The following ZMYND12 variants were observed in gnomAD, a reference collection of about 807,000 sequenced individuals.
The protein encoded by ZMYND12 is zinc finger MYND-type containing 12.
ZMYND12 carries 32 observed loss-of-function variants against 41.7 expected under a neutral mutation model. The observed-to-expected ratio is 0.77, with a 90% CI of 0.58 to 1.03. The LOEUF is 1.03. Ranked by LOEUF, ZMYND12 falls within the 50% of genes least tolerant of loss-of-function variation. ZMYND12 has a pLI of 0.00. For missense variants in ZMYND12, 424 were observed against 438.5 expected (o/e 0.97, Z 0.30); for synonymous variants, 148 against 164.8 (o/e 0.90, Z 0.78).
intron 1 of ZMYND12, among the ~76,000 whole-genome samples, chr1:42,455,509 G>A (rs1643153089): frequency 6.6e-6 from 1 of 152,176 alleles, no homozygotes; most frequent in South Asian, 2.1e-4. Context: ...CCTGACCTCA[G>A]GCGATCCGCC....
intron 3 of ZMYND12, among the ~76,000 whole-genome samples, chr1:42,447,440 A>T (rs559629232): frequency 2.0e-5 from 3 of 152,224 alleles, no homozygotes; most frequent in Non-Finnish European, 2.9e-5. Context: ...TTGCCAACAC[A>T]TGGCAACAAA....
chr1:42,431,455 A>G (rs1642848585), intron 7 of ZMYND12, among the ~76,000 whole-genome samples: 1 of 152,226 alleles, frequency 6.6e-6, no homozygotes. Context: ...AAGGAAAAAA[A>G]TAAAGCATGA....
intron 2 of ZMYND12, 48 bp downstream of exon 2, chr1:42,449,870 G>A (rs746406099): frequency 1.1e-5 from 18 of 1,598,306 alleles, no homozygotes; most frequent in Non-Finnish European, 1.3e-5. Context: ...GTCTTGGGCA[G>A]CTTCACCGCA....
At chr1:42,431,623 C>T (rs1642850561) in intron 7 of ZMYND12, among the ~76,000 whole-genome samples, 3 of 152,144 alleles carry the variant, frequency 2.0e-5, no homozygotes, top group Admixed American at 2.0e-4. Context: ...TGCCTTTTGT[C>T]TAAGGTCTCT....
chr1:42,435,189 C>T, intron 6 of ZMYND12, 85 bp downstream of exon 6: 1 of 1,032,250 alleles, frequency 9.7e-7, no homozygotes. Context: ...ATGACAGGGA[C>T]AGCTGCTTTC....
chr1:42,440,244 A>T (rs1002481966), intron 3 of ZMYND12, among the ~76,000 whole-genome samples: 2 of 151,854 alleles, frequency 1.3e-5, no homozygotes, highest in African/African-American at 4.8e-5. Context: ...GTGGATGAAC[A>T]AAAGGAGGCA....
In ZMYND12 at chr1:42,455,955, G is replaced by T; in HGVS notation, c.43C>A (p.Leu15Ile). The change falls in exon 1 of 8, where the codon CTC becomes ATC. Residue 15 changes from leucine (L) to isoleucine (I), a missense_variant. By Grantham distance (5) the Leu-to-Ile change is conservative. Transcript: ENST00000372565. ...GGGGCTTCGCACACCTCACAGCAGA[G>T]TCTGCGCCCCTTGGGGACTGCCAGT... is the stretch of plus-strand genomic sequence containing the variant. Reference protein sequence around the residue: ...YPLAVPKGRRLCCEVCEAPAE... With the variant: ...YPLAVPKGRRICCEVCEAPAE... The T allele has an allele frequency of 5.6e-6, 9 of 1,613,754 alleles. No individual in the cohort carries two copies. The highest frequency in any genetic ancestry group is 6.8e-6 in the Non-Finnish European group (8 of 1,180,018).
At position 42,436,442 on chromosome 1, in the gene ZMYND12, C is replaced by T; in HGVS notation, c.696G>A (p.Leu232=). The T allele has an allele frequency of 6.2e-7, 1 of 1,613,528 alleles. No individual in the cohort carries two copies. The highest frequency in any genetic ancestry group is 2.2e-5 in the East Asian group (1 of 44,852). The part of the protein sequence containing the change: ...NIFYDLKKLD[L]ADTLYTKVSE... Reference sequence around the variant, plus strand: ...TCACCTTGGTGTACAATGTGTCTGCCAGGTCCAACTTTTTAAGGTCATAGA... The same window carrying T: ...TCACCTTGGTGTACAATGTGTCTGCTAGGTCCAACTTTTTAAGGTCATAGA... Residue 232 remains leucine (L), a synonymous_variant, in exon 5 of 8, where the codon CTG becomes CTA. Coordinates refer to ENST00000372565, the MANE Select transcript of ZMYND12 (RefSeq NM_032257.5).
intron 1 of ZMYND12, among the ~76,000 whole-genome samples, chr1:42,454,674 C>T (rs533542658): frequency 6.6e-6 from 1 of 151,700 alleles, no homozygotes; most frequent in Non-Finnish European, 1.5e-5. Flanking sequence ...TTGGTTTAAA[C>T]TTCTACTACC....
intron 3 of ZMYND12, among the ~76,000 whole-genome samples, chr1:42,441,684 G>A (rs902422900): frequency 6.6e-6 from 1 of 151,900 alleles, no homozygotes; most frequent in Admixed American, 6.6e-5. Flanking sequence ...GCAGTGGCGG[G>A]ATCTCGGCTC....
At chr1:42,433,514 T>C (rs946963740) in intron 6 of ZMYND12, among the ~76,000 whole-genome samples, 3 of 152,192 alleles carry the variant, frequency 2.0e-5, no homozygotes, top group East Asian at 3.8e-4. Context: ...TTGCTTAGCA[T>C]GCCATTATCA....
intron 3 of ZMYND12, among the ~76,000 whole-genome samples, chr1:42,445,631 T>A (rs1443666494): frequency 1.3e-5 from 2 of 151,966 alleles, no homozygotes; most frequent in Non-Finnish European, 2.9e-5. Flanking sequence ...TCTGAGGAAC[T>A]GAGAGAAGGC....
chr1:42,455,177 G>C (rs189657919), intron 1 of ZMYND12, among the ~76,000 whole-genome samples: 1 of 152,168 alleles, frequency 6.6e-6, no homozygotes, highest in Non-Finnish European at 1.5e-5. Flanking sequence ...CCCGGATGCC[G>C]GGAATGCCCT....
intron 1 of ZMYND12, among the ~76,000 whole-genome samples, chr1:42,452,468 C>T (rs544165927): frequency 1.3e-5 from 2 of 152,134 alleles, no homozygotes; most frequent in East Asian, 3.9e-4. Flanking sequence ...TTTGGGAGGC[C>T]GAGGAGGGCG....
chr1:42,439,584 G>C (rs72950532), intron 4 of ZMYND12, among the ~76,000 whole-genome samples: 1 of 152,110 alleles, frequency 6.6e-6, no homozygotes, highest in Non-Finnish European at 1.5e-5. Flanking sequence ...TTCTCTTAAC[G>C]AGTATGCTGT....
chr1:42,434,803 TATATATTACA>T (rs1387701634), intron 6 of ZMYND12, among the ~76,000 whole-genome samples: 1 of 151,956 alleles, frequency 6.6e-6, no homozygotes, highest in African/African-American at 2.4e-5. Flanking sequence ...ATTATTTCAT[TATATATTACA>T]ATATATTAAT....
intron 3 of ZMYND12, among the ~76,000 whole-genome samples, chr1:42,443,922 C>T (rs926330497): frequency 3.3e-5 from 5 of 152,050 alleles, no homozygotes; most frequent in African/African-American, 1.2e-4. Context: ...AACACAGTAA[C>T]CAAAATCCTA....
chr1:42,441,695 A>G (rs1642971073), intron 3 of ZMYND12, among the ~76,000 whole-genome samples: 2 of 151,650 alleles, frequency 1.3e-5, no homozygotes, highest in South Asian at 4.2e-4. Flanking sequence ...ATCTCGGCTC[A>G]CTGCAAGCTC....
Position 42,448,455 on chromosome 1 carries a change from G to A in ZMYND12, c.424+12C>T, listed in dbSNP as rs112527617. The stretch of plus-strand genomic sequence containing the variant: ...TTAAGGGATCCAAGGATCTCAAGTC[G>A]GTTTCACTCACCAAGGCTGGCCTCG... On this transcript the variant is annotated intron_variant, in intron 3 of 7. Transcript: ENST00000372565. The A allele has an allele frequency of 2.9e-5, 46 of 1,571,428 alleles. 1 individual carries two copies. The African/African-American group carries it at 3.0e-4, about 10-fold the overall frequency.
Sources: allele counts gnomAD v4.1 joint callset (sites outside exome capture counted in the v4.1 genomes callset), GRCh38; gene constraint gnomAD v4.1.1; transcripts MANE v1.5; gene names NCBI Gene and HGNC (gene_info 2026-07-23, HGNC 2026-07-21).